Variants in RAB33A observed in about 807,000 individuals in gnomAD.
RAB33A encodes the protein ras-related protein Rab-33A.
Under a neutral mutation model 12.0 loss-of-function variants are expected in RAB33A, and 6 were observed. That is an observed-to-expected ratio of 0.50 (90% CI 0.27 to 0.99). The LOEUF (loss-of-function observed/expected upper bound fraction) is 0.99. Ranked by LOEUF, RAB33A falls within the 50% of genes least tolerant of loss-of-function variation. The pLI is 0.11. For synonymous variants in RAB33A, 70 were observed against 82.4 expected, an observed-to-expected ratio of 0.85 and a Z score of 0.81; for missense variants, 109 against 192.0, an observed-to-expected ratio of 0.57 and a Z score of 2.55.
At chrX:130,161,287 C>T in the RAB33A span, among the ~76,000 whole-genome samples, 2 of 109,696 alleles carry the variant, frequency 1.8e-5, no homozygotes, top group African/African-American at 6.6e-5. Context: ...CCGAGGTGGG[C>T]GGATCACGAG....
chrX:130,133,489 TAA>T, the RAB33A span: 195 of 960,700 alleles, frequency 2.0e-4, no homozygotes, highest in Middle Eastern at 5.6e-4. Flanking sequence ...GAACACATGA[TAA>T]AAAAAAAAAA....
chrX:130,177,941 C>T (rs1363029459), intron 1 of RAB33A, among the ~76,000 whole-genome samples: 1 of 111,977 alleles, frequency 8.9e-6, no homozygotes, highest in African/African-American at 3.2e-5. Context: ...GAGGCAGCTG[C>T]GAAAGAGGAA....
chrX:130,143,825 C>T, the RAB33A span, among the ~76,000 whole-genome samples: 58 of 109,165 alleles, frequency 5.3e-4, no homozygotes, highest in South Asian at 5.6e-3. Context: ...CCAGCCTGGG[C>T]GACAGAGTGA....
At chrX:130,127,467 CATTT>C in the RAB33A span, among the ~76,000 whole-genome samples, 282 of 110,890 alleles carry the variant, frequency 2.5e-3, no homozygotes, top group African/African-American at 8.1e-3. Flanking sequence ...ATGAATAGAT[CATTT>C]AATTTCAATC....
chrX:130,155,544 T>TATATC, the RAB33A span, among the ~76,000 whole-genome samples: 1 of 112,254 alleles, frequency 8.9e-6, no homozygotes, highest in Non-Finnish European at 1.9e-5. Context: ...CGTTTGGGAG[T>TATATC]CACATCAGGG....
intron 1 of RAB33A, among the ~76,000 whole-genome samples, chrX:130,173,005 G>A (rs1247391036): frequency 9.0e-6 from 1 of 110,936 alleles, no homozygotes; most frequent in Non-Finnish European, 1.9e-5. Context: ...TACTTGTCTG[G>A]GGCATCTAAT....
the RAB33A span, among the ~76,000 whole-genome samples, chrX:130,113,149 C>G: frequency 1.2e-5 from 1 of 83,459 alleles, no homozygotes; most frequent in East Asian, 4.1e-4. Context: ...GGCGCGATCT[C>G]GGCTCACTGC....
chrX:130,163,898 G>A, the RAB33A span, among the ~76,000 whole-genome samples: 1 of 109,173 alleles, frequency 9.2e-6, no homozygotes, highest in Non-Finnish European at 1.9e-5. Flanking sequence ...GCTCACGCCT[G>A]TAATCCCAGC....
chrX:130,124,722 G>A, the RAB33A span, among the ~76,000 whole-genome samples: 1 of 112,652 alleles, frequency 8.9e-6, no homozygotes. Context: ...GGCGCCCCAT[G>A]GGGGAACTAT....
the RAB33A span, among the ~76,000 whole-genome samples, chrX:130,154,366 A>C: frequency 8.9e-6 from 1 of 112,374 alleles, no homozygotes; most frequent in African/African-American, 3.2e-5. Flanking sequence ...TCAGGTTTAA[A>C]TTGTTACCAA....
At chrX:130,168,668 C>T (rs1254722978), upstream of RAB33A, among the ~76,000 whole-genome samples, 1 of 111,811 alleles carries the variant, frequency 8.9e-6, no homozygotes, top group East Asian at 2.8e-4. Context: ...TGGGATTACA[C>T]GTGTGAGCCA....
the RAB33A span, among the ~76,000 whole-genome samples, chrX:130,146,451 A>ATGTGTGTGTG: frequency 1.7e-3 from 154 of 89,441 alleles, no homozygotes; most frequent in Middle Eastern, 5.4e-3. Flanking sequence ...CTCTCAAAAT[A>ATGTGTGTGTG]TGTGTGTGTG....
At chrX:130,166,985 T>C (rs1333437982), upstream of RAB33A, among the ~76,000 whole-genome samples, 3 of 112,026 alleles carry the variant, frequency 2.7e-5, no homozygotes, top group Non-Finnish European at 5.6e-5. Flanking sequence ...GGAGATGACA[T>C]ATACCGGTCA....
At chrX:130,184,241 TG>T (rs777522807) in intron 1 of RAB33A, 43 bp from the exon 2 acceptor site, 5 of 1,108,767 alleles carry the variant, frequency 4.5e-6, no homozygotes, top group Admixed American at 2.3e-5. Context: ...TCTCTGTTCA[TG>T]TTCCCTTTTC....
At chrX:130,145,014 C>T in the RAB33A span, among the ~76,000 whole-genome samples, 1 of 112,157 alleles carries the variant, frequency 8.9e-6, no homozygotes, top group South Asian at 3.7e-4. Context: ...CTGCCATTAA[C>T]AACAATAAAA....
At chrX:130,156,115 G>A in the RAB33A span, among the ~76,000 whole-genome samples, 1 of 111,951 alleles carries the variant, frequency 8.9e-6, no homozygotes, top group South Asian at 3.7e-4. Flanking sequence ...GTGCTAAGGA[G>A]CTGCAATGGA....
the RAB33A span, among the ~76,000 whole-genome samples, chrX:130,144,767 G>A: frequency 2.7e-5 from 3 of 112,253 alleles, no homozygotes; most frequent in African/African-American, 9.7e-5. Flanking sequence ...CCCCTAGAGG[G>A]CAGGGCCTGA....
the RAB33A span, among the ~76,000 whole-genome samples, chrX:130,160,530 A>G: frequency 8.9e-6 from 1 of 112,273 alleles, no homozygotes; most frequent in Non-Finnish European, 1.9e-5. Flanking sequence ...TAATGAAGGA[A>G]GGAAATAGAA....
chrX:130,125,771 C>T, the RAB33A span, among the ~76,000 whole-genome samples: 1 of 111,686 alleles, frequency 9.0e-6, no homozygotes, highest in Non-Finnish European at 1.9e-5. Context: ...CTGTTTAAAG[C>T]CTCTTGTCTC....
Sources: gnomAD v4.1 joint callset for allele counts (sites outside exome capture counted in the v4.1 genomes callset) on GRCh38, gnomAD v4.1.1 for gene constraint, MANE v1.5 for transcripts, NCBI Gene and HGNC (gene_info 2026-07-23, HGNC 2026-07-21) for gene names.